Variants in NLK observed in about 807,000 individuals in gnomAD.
The protein encoded by NLK is serine/threonine-protein kinase NLK.
A neutral mutation model predicts 59.0 loss-of-function variants in NLK; 11 were observed. The ratio of observed to expected loss-of-function variants is 0.19; its 90% confidence interval spans 0.12 to 0.31. NLK has a LOEUF of 0.31. Ranked by LOEUF, NLK falls within the 10% of genes least tolerant of loss-of-function variation. The pLI, the probability that NLK is intolerant of heterozygous loss-of-function variation, is 1.00. For missense variants in NLK, 410 were observed against 661.1 expected (o/e 0.62, Z 4.16); for synonymous variants, 235 against 235.9 (o/e 1.00, Z 0.03).
chr17:28,043,045 G>A lies in NLK; in HGVS notation c.172G>A (p.Ala58Thr), dbSNP rs1396768289. The A allele has an allele frequency of 1.9e-6, 3 of 1,558,204 alleles. No homozygotes were observed. The highest frequency in any genetic ancestry group is 2.6e-6 in the Non-Finnish European group (3 of 1,150,428). The change falls in exon 1 of 11, where the codon GCT becomes ACT. Residue 58 changes from alanine to threonine, a missense_variant. Ala to Thr is a moderately conservative substitution (Grantham distance 58, BLOSUM62 0). Transcript: ENST00000407008. ...HPQHHLHPGS[A>T]AAVHPVQQHT... Reference sequence around the variant, plus strand: ...TCAACACCATCTTCATCCGGGGTCGGCTGCCGCTGTACACCCTGTACAGCA... The same window carrying A: ...TCAACACCATCTTCATCCGGGGTCGACTGCCGCTGTACACCCTGTACAGCA...
chr17:28,196,721 A>G (rs761879680), downstream of NLK, among the ~76,000 whole-genome samples: 21 of 152,188 alleles, frequency 1.4e-4, no homozygotes, highest in Non-Finnish European at 2.1e-4. Flanking sequence ...ATTGCTCTGT[A>G]TGAAGCAGAC....
At chr17:28,141,772 G>A (rs1053397106) in intron 3 of NLK, among the ~76,000 whole-genome samples, 7 of 152,194 alleles carry the variant, frequency 4.6e-5, no homozygotes, top group East Asian at 3.9e-4. Flanking sequence ...AGAGATCATC[G>A]AAGAATTTGC....
At chr17:28,082,503 A>T (rs1253358666) in intron 1 of NLK, among the ~76,000 whole-genome samples, 1 of 152,144 alleles carries the variant, frequency 6.6e-6, no homozygotes, top group Non-Finnish European at 1.5e-5. Flanking sequence ...CCTTTTTATC[A>T]GTTCCCTTTG....
intron 1 of NLK, among the ~76,000 whole-genome samples, chr17:28,100,552 A>G (rs902150411): frequency 6.6e-6 from 1 of 152,210 alleles, no homozygotes; most frequent in Non-Finnish European, 1.5e-5. Context: ...AGCCATCTGC[A>G]TAAAGTGTGG....
intron 2 of NLK, among the ~76,000 whole-genome samples, chr17:28,125,004 C>T (rs902581300): frequency 2.6e-5 from 4 of 151,864 alleles, no homozygotes; most frequent in African/African-American, 7.2e-5. Flanking sequence ...GCCAAGATCA[C>T]GACACTGCAC....
At chr17:28,137,247 GA>G (rs1384284900) in intron 3 of NLK, among the ~76,000 whole-genome samples, 1 of 152,082 alleles carries the variant, frequency 6.6e-6, no homozygotes, top group Non-Finnish European at 1.5e-5. Flanking sequence ...ATGCTTTTAA[GA>G]AACTATTTTT....
At chr17:28,080,525 T>G (rs1910309342) in intron 1 of NLK, among the ~76,000 whole-genome samples, 2 of 152,182 alleles carry the variant, frequency 1.3e-5, no homozygotes. Flanking sequence ...TACTTAAATT[T>G]ACTGTAATGC....
At chr17:28,198,023 C>T (rs933114603), downstream of NLK, among the ~76,000 whole-genome samples, 3 of 152,154 alleles carry the variant, frequency 2.0e-5, no homozygotes, top group Non-Finnish European at 4.4e-5. Context: ...ACACAGATTG[C>T]ATATAATAAT....
intron 1 of NLK, among the ~76,000 whole-genome samples, chr17:28,120,461 T>C (rs1432978000): frequency 6.6e-6 from 1 of 152,112 alleles, no homozygotes; most frequent in Non-Finnish European, 1.5e-5. Context: ...CCTGGCCTAC[T>C]TGAGTTACAT....
At chr17:28,102,648 C>CA (rs74716454) in intron 1 of NLK, among the ~76,000 whole-genome samples, 1,555 of 69,124 alleles carry the variant, frequency 0.022, 20 homozygotes, top group African/African-American at 0.059. Context: ...GACTCCATCT[C>CA]AAAAAAAAAA....
At chr17:28,124,259 T>C (rs1384567835) in intron 2 of NLK, among the ~76,000 whole-genome samples, 1 of 152,236 alleles carries the variant, frequency 6.6e-6, no homozygotes, top group East Asian at 1.9e-4. Context: ...GGACAATGGC[T>C]GCATCTGTAA....
At chr17:28,142,093 T>C (rs1437887230) in intron 3 of NLK, among the ~76,000 whole-genome samples, 2 of 152,228 alleles carry the variant, frequency 1.3e-5, no homozygotes, top group African/African-American at 4.8e-5. Context: ...TTCTCTAGAA[T>C]GCTCTTCTTG....
chr17:28,073,077 T>A (rs1432923279), intron 1 of NLK, among the ~76,000 whole-genome samples: 1 of 152,110 alleles, frequency 6.6e-6, no homozygotes, highest in East Asian at 1.9e-4. Context: ...TACTTTTAAG[T>A]AAATTTTTGA....
intron 1 of NLK, among the ~76,000 whole-genome samples, chr17:28,071,565 GTATT>G (rs1460465774): frequency 6.6e-6 from 1 of 151,842 alleles, no homozygotes; most frequent in African/African-American, 2.4e-5. Context: ...TTATCACTAA[GTATT>G]TAATATTTTT....
chr17:28,137,392 G>A (rs1906800100), intron 3 of NLK, among the ~76,000 whole-genome samples: 1 of 152,056 alleles, frequency 6.6e-6, no homozygotes, highest in South Asian at 2.1e-4. Context: ...CTTAAGTTGT[G>A]AGGGAAAATA....
chr17:28,098,112 A>C (rs1301811819), intron 1 of NLK, among the ~76,000 whole-genome samples: 1 of 152,212 alleles, frequency 6.6e-6, no homozygotes, highest in Admixed American at 6.5e-5. Flanking sequence ...ACTGAGACCC[A>C]GATAATATAA....
chr17:28,094,281 G>C (rs916036220), intron 1 of NLK, among the ~76,000 whole-genome samples: 2 of 152,194 alleles, frequency 1.3e-5, no homozygotes, highest in African/African-American at 4.8e-5. Context: ...AATTACCCAC[G>C]TAGTTTGAGA....
At chr17:28,068,864 A>G (rs1402568545) in intron 1 of NLK, among the ~76,000 whole-genome samples, 1 of 152,162 alleles carries the variant, frequency 6.6e-6, no homozygotes, top group East Asian at 1.9e-4. Flanking sequence ...ATTTTTATAG[A>G]GATGGGATCT....
the NLK span, among the ~76,000 whole-genome samples, chr17:28,202,727 G>A: frequency 6.9e-6 from 1 of 145,026 alleles, no homozygotes; most frequent in East Asian, 2.0e-4. Flanking sequence ...CTGTCACCCA[G>A]GCTAGAGTGC....
Sources: allele counts gnomAD v4.1 joint callset (sites outside exome capture counted in the v4.1 genomes callset), GRCh38; gene constraint gnomAD v4.1.1; transcripts MANE v1.5; gene names NCBI Gene and HGNC (gene_info 2026-07-23, HGNC 2026-07-21).